ARL8B: variants seen among roughly 807,000 people sequenced by gnomAD.
ARL8B encodes the protein ADP-ribosylation factor-like protein 8B.
A neutral mutation model predicts 30.6 loss-of-function variants in ARL8B; 9 were observed. The observed-to-expected ratio is 0.29, with a 90% CI of 0.18 to 0.51. The LOEUF (loss-of-function observed/expected upper bound fraction) is 0.51, where lower values mean the gene tolerates loss of function less well. Among genes scored for constraint, ARL8B ranks in the 20% least tolerant of loss-of-function variants. ARL8B has a pLI of 0.97. For synonymous variants in ARL8B, 74 were observed against 76.0 expected, an observed-to-expected ratio of 0.97 and a Z score of 0.14; for missense variants, 130 against 227.2, an observed-to-expected ratio of 0.57 and a Z score of 2.75.
chr3:5,151,228 A>G (rs193102419), intron 1 of ARL8B, among the ~76,000 whole-genome samples: 28 of 151,922 alleles, frequency 1.8e-4, no homozygotes, highest in Non-Finnish European at 3.1e-4. Flanking sequence ...CTCTTTTTCT[A>G]ATTTCTTAAA....
At chr3:5,129,836 A>G (rs1411613433) in intron 1 of ARL8B, among the ~76,000 whole-genome samples, 1 of 152,118 alleles carries the variant, frequency 6.6e-6, no homozygotes, top group Non-Finnish European at 1.5e-5. Flanking sequence ...TGGGCAACAT[A>G]GTGAGGCCAC....
In ARL8B at chr3:5,137,627, C is replaced by G. The variant is rs1475560104; in HGVS notation, c.123+15039C>G. On this transcript the variant is annotated intron_variant, in intron 1 of 6. Coordinates refer to ENST00000256496, the MANE Select transcript of ARL8B (RefSeq NM_018184.3). Reference sequence around the variant, plus strand: ...GTAATTTTTGTATTTTTAGTAGAGACAGGGTTTCACCATGTTGATCAGGCT... The same window carrying G: ...GTAATTTTTGTATTTTTAGTAGAGAGAGGGTTTCACCATGTTGATCAGGCT... Among the ~76,000 whole-genome samples, 17 of 152,160 alleles carry G rather than the reference C, an allele frequency of 1.1e-4. No homozygotes were observed. In the East Asian group the frequency reaches 2.3e-3, roughly 21 times the overall value.
intron 1 of ARL8B, among the ~76,000 whole-genome samples, chr3:5,157,212 G>A (rs1408059952): frequency 6.8e-6 from 1 of 148,010 alleles, no homozygotes; most frequent in Non-Finnish European, 1.5e-5. Flanking sequence ...CACTTGGGTG[G>A]TGGTCTACCT....
chr3:5,149,579 A>T (rs944553754), intron 1 of ARL8B, among the ~76,000 whole-genome samples: 16 of 152,174 alleles, frequency 1.1e-4, no homozygotes, highest in African/African-American at 3.6e-4. Flanking sequence ...ATCTTCCCAG[A>T]TGTGTAAGTT....
intron 1 of ARL8B, among the ~76,000 whole-genome samples, chr3:5,142,030 A>T (rs910124121): frequency 1.2e-4 from 19 of 152,144 alleles, no homozygotes; most frequent in African/African-American, 4.6e-4. Context: ...ACATTAAAAG[A>T]GTTTGTCAAA....
rs1202608214 is a variant in ARL8B at position 5,179,219 on chromosome 3, A to G, written c.*506A>G. 6.5e-6 allele frequency: 1 copy of G among 152,742 alleles called. No homozygotes were observed. Among genetic ancestry groups the G allele is most frequent in the African/African-American group, 2.4e-5 (1 of 41,452 alleles). The allele number at this position is 152,742 out of a possible 1,614,324, so 9.5% of individuals were successfully genotyped here. A position where few individuals can be genotyped will look rare whatever the true frequency, so the allele number is the denominator to read the frequency against. ...CTCATGTGGGATATATGTAAACATA[A>G]TGTTTATTTTATCTCACAAATGCAT... On this transcript the variant is annotated 3_prime_UTR_variant, in exon 7 of 7. Transcript: ENST00000256496.
At chr3:5,136,914 C>A (rs1244077736) in intron 1 of ARL8B, among the ~76,000 whole-genome samples, 2 of 152,200 alleles carry the variant, frequency 1.3e-5, no homozygotes, top group African/African-American at 4.8e-5. Flanking sequence ...CTCCTCACAG[C>A]ACTTGATCAA....
At chr3:5,166,273 C>T (rs192443150) in intron 1 of ARL8B, among the ~76,000 whole-genome samples, 77 of 151,444 alleles carry the variant, frequency 5.1e-4, no homozygotes, top group African/African-American at 1.6e-3. Context: ...TTCTTGACCT[C>T]GTGATCCACC....
chr3:5,150,360 G>C, intron 1 of ARL8B, among the ~76,000 whole-genome samples: 1 of 151,636 alleles, frequency 6.6e-6, no homozygotes, highest in Non-Finnish European at 1.5e-5. Context: ...CTACTCAGGA[G>C]GCTGAGGTAG....
intron 1 of ARL8B, chr3:5,128,729 T>A (rs2054254393): frequency 5.2e-6 from 1 of 190,984 alleles, no homozygotes; most frequent in South Asian, 8.2e-5. Flanking sequence ...GTGAAAAGAA[T>A]AGTATAAGGT....
At chr3:5,151,524 ATTTAGTTCAACATGTTT>A (rs1372972125) in intron 1 of ARL8B, among the ~76,000 whole-genome samples, 4 of 152,140 alleles carry the variant, frequency 2.6e-5, no homozygotes, top group Non-Finnish European at 5.9e-5. Flanking sequence ...CATGTTTCTC[ATTTAGTTCAACATGTTT>A]TTATTTTCCC....
chr3:5,165,214 C>T (rs538958415), intron 1 of ARL8B, among the ~76,000 whole-genome samples: 136 of 152,096 alleles, frequency 8.9e-4, no homozygotes, highest in Middle Eastern at 3.4e-3. Flanking sequence ...TCCCCCTAGA[C>T]GAGTATCTTA....
At chr3:5,172,341 G>A in intron 3 of ARL8B, 118 bp downstream of exon 3, 1 of 868,106 alleles carries the variant, frequency 1.2e-6, no homozygotes, top group Non-Finnish European at 1.8e-6. Context: ...ATCTTTCTTA[G>A]CTAATATCCT....
intron 1 of ARL8B, among the ~76,000 whole-genome samples, chr3:5,168,169 G>A (rs569842823): frequency 6.6e-6 from 1 of 152,138 alleles, no homozygotes; most frequent in Non-Finnish European, 1.5e-5. Context: ...CACCTCCCAG[G>A]CTCAAGCAAT....
chr3:5,130,607 G>C (rs916909800), intron 1 of ARL8B, among the ~76,000 whole-genome samples: 2 of 150,660 alleles, frequency 1.3e-5, no homozygotes, highest in Non-Finnish European at 3.0e-5. Context: ...GATCTCGGTT[G>C]ACTGTAACCT....
At position 5,161,168 on chromosome 3, in the gene ARL8B, G is replaced by A. The variant is rs554921084; in HGVS notation, c.124-9335G>A. Among the ~76,000 whole-genome samples, 5 of 152,146 alleles carry A rather than the reference G, an allele frequency of 3.3e-5. No homozygotes were observed. In the South Asian group the frequency reaches 8.3e-4, roughly 25 times the overall value. The stretch of plus-strand genomic sequence containing the variant: ...CAATCCACCCACTTTGGCCTCCCAC[G>A]GCCGGGGATTACAGGGGTGAGGCAC... On this transcript the variant is annotated intron_variant, in intron 1 of 6. Transcript: ENST00000256496.
intron 1 of ARL8B, among the ~76,000 whole-genome samples, chr3:5,158,332 A>G (rs528560168): frequency 1.3e-4 from 20 of 152,276 alleles, no homozygotes; most frequent in Admixed American, 3.9e-4. Context: ...TGGAAGGAAC[A>G]GGTAATGGTA....
chr3:5,136,698 G>A (rs1424741990), intron 1 of ARL8B, among the ~76,000 whole-genome samples: 1 of 152,214 alleles, frequency 6.6e-6, no homozygotes, highest in Non-Finnish European at 1.5e-5. Flanking sequence ...CAGCAGAATG[G>A]CTGTGGGCAG....
At chr3:5,167,407 A>C (rs1395017454) in intron 1 of ARL8B, among the ~76,000 whole-genome samples, 2 of 152,212 alleles carry the variant, frequency 1.3e-5, no homozygotes, top group African/African-American at 2.4e-5. Flanking sequence ...TTTATAAATT[A>C]AGCTTTATCA....
Sources: allele counts gnomAD v4.1 joint callset (sites outside exome capture counted in the v4.1 genomes callset), GRCh38; gene constraint gnomAD v4.1.1; transcripts MANE v1.5; gene names NCBI Gene and HGNC (gene_info 2026-07-23, HGNC 2026-07-21).